Variants in PTPN13 observed in about 807,000 individuals in gnomAD.
PTPN13 encodes tyrosine-protein phosphatase non-receptor type 13.
In PTPN13, 191 loss-of-function variants were observed where a neutral mutation model predicts 284.0. The observed-to-expected ratio is 0.67, with a 90% CI of 0.60 to 0.76. The LOEUF is 0.76. Ranked by LOEUF, PTPN13 falls within the 30% of genes least tolerant of loss-of-function variation. The pLI is 0.00. For synonymous variants in PTPN13, 986 were observed against 1,022.3 expected (o/e 0.96, Z 0.68); for missense variants, 2,797 against 2,939.9 (o/e 0.95, Z 1.12).
chr4:86,691,433 A>G (rs1437653606), intron 5 of PTPN13, among the ~76,000 whole-genome samples: 1 of 152,110 alleles, frequency 6.6e-6, no homozygotes, highest in Non-Finnish European at 1.5e-5. Flanking sequence ...CAGCATGTAG[A>G]GAGCCTCTCT....
At chr4:86,658,185 G>A (rs1230342439) in intron 2 of PTPN13, among the ~76,000 whole-genome samples, 2 of 152,148 alleles carry the variant, frequency 1.3e-5, no homozygotes, top group Non-Finnish European at 2.9e-5. Context: ...CCCTCCATAG[G>A]CATTGACGGA....
At position 86,762,865 on chromosome 4, in the gene PTPN13, A is replaced by C; in HGVS notation, c.3692A>C (p.Asn1231Thr). The change falls in exon 24 of 48, where the codon AAC becomes ACC. Residue 1231 changes from asparagine (N) to threonine (T), a missense_variant. Transcript: ENST00000411767. ...SRGTLRHISE[N>T]SFGPSGGLRE... is the part of the protein sequence containing the mutation. ...GGTACCCTGAGGCACATCTCGGAGAACTCCTTTGGGCCATCTGGGGGCCTG... is the reference window on the plus strand; with the variant it reads ...GGTACCCTGAGGCACATCTCGGAGACCTCCTTTGGGCCATCTGGGGGCCTG... 1 of 1,613,830 alleles carries C rather than the reference A, an allele frequency of 6.2e-7. No homozygotes were observed. Among genetic ancestry groups the C allele is most frequent in the Non-Finnish European group, 8.5e-7 (1 of 1,179,816 alleles).
chr4:86,595,632 C>T (rs775983232), intron 1 of PTPN13: 99 of 424,508 alleles, frequency 2.3e-4, no homozygotes, highest in Non-Finnish European at 3.0e-4. Flanking sequence ...GTGTCATTTT[C>T]ATTTAATTGC....
In PTPN13 at chr4:86,722,358, C is replaced by T. The variant is rs547276008; in HGVS notation, c.1532C>T (p.Ala511Val). 21 of 1,613,728 alleles carry T rather than the reference C, an allele frequency of 1.3e-5. No homozygotes were observed. The highest frequency in any genetic ancestry group is 3.3e-5 in the Admixed American group (2 of 60,000). The change falls in exon 10 of 48, where the codon GCG (alanine) becomes GTG (valine). Residue 511 changes from alanine (A) to valine (V), a missense_variant. By Grantham distance (64) the Ala-to-Val change is moderately conservative. Coordinates refer to ENST00000411767, the MANE Select transcript of PTPN13 (RefSeq NM_080683.3). ...LSLYPGDTIK[A>V]SMLDITRDPL... is the part of the protein sequence containing the mutation. The stretch of plus-strand genomic sequence containing the variant: ...CTATATCCAGGAGACACAATCAAAG[C>T]GTCCATGCTTGACATCACCAGGGAT...
intron 2 of PTPN13, among the ~76,000 whole-genome samples, chr4:86,655,947 ACT>A (rs1266797234): frequency 1.3e-5 from 2 of 151,074 alleles, no homozygotes; most frequent in African/African-American, 4.9e-5. Context: ...GTTTCTTTTT[ACT>A]CTTTTTTCTC....
chr4:86,768,657 A>G (rs2149266158), intron 28 of PTPN13, among the ~76,000 whole-genome samples: 1 of 152,224 alleles, frequency 6.6e-6, no homozygotes, highest in South Asian at 2.1e-4. Flanking sequence ...TATGAAAATA[A>G]AATTAATGTA....
chr4:86,681,788 C>T (rs1728921367), intron 3 of PTPN13, among the ~76,000 whole-genome samples: 1 of 151,978 alleles, frequency 6.6e-6, no homozygotes, highest in African/African-American at 2.4e-5. Flanking sequence ...ATTAGCTGGG[C>T]ATGGTGGCAG....
intron 1 of PTPN13, among the ~76,000 whole-genome samples, chr4:86,605,384 G>C (rs1764657609): frequency 1.3e-5 from 2 of 151,904 alleles, no homozygotes; most frequent in Non-Finnish European, 2.9e-5. Flanking sequence ...AGGATTCATA[G>C]GGTCAGAACA....
intron 2 of PTPN13, among the ~76,000 whole-genome samples, chr4:86,665,187 G>A (rs1726930051): frequency 6.6e-6 from 1 of 152,136 alleles, no homozygotes; most frequent in South Asian, 2.1e-4. Context: ...AGTGGTTGTG[G>A]TTTGAGCAAG....
At chr4:86,598,127 T>G (rs1763985882) in intron 1 of PTPN13, among the ~76,000 whole-genome samples, 2 of 151,718 alleles carry the variant, frequency 1.3e-5, no homozygotes, top group African/African-American at 4.8e-5. Flanking sequence ...TATATACTTC[T>G]CAAGGCTTTT....
intron 9 of PTPN13, among the ~76,000 whole-genome samples, 196 bp downstream of exon 9, chr4:86,717,313 C>A (rs987026725): frequency 6.6e-6 from 1 of 151,696 alleles, no homozygotes; most frequent in Non-Finnish European, 1.5e-5. Context: ...CTCAGTCTCC[C>A]GAGTAGCTGG....
intron 2 of PTPN13, among the ~76,000 whole-genome samples, chr4:86,642,446 CTTCTTTTTTTTT>C (rs1340654246): frequency 1.1e-4 from 7 of 63,568 alleles, no homozygotes; most frequent in Non-Finnish European, 1.4e-4. Context: ...TCTTCTTCTT[CTTCTTTTTTTTT>C]TTTTTTTTTT....
At chr4:86,793,057 A>T (rs1742869012) in intron 40 of PTPN13, among the ~76,000 whole-genome samples, 1 of 152,226 alleles carries the variant, frequency 6.6e-6, no homozygotes, top group Non-Finnish European at 1.5e-5. Flanking sequence ...TAAAAGACAC[A>T]GACTGGCAAT....
At chr4:86,597,985 G>A (rs1042943049) in intron 1 of PTPN13, among the ~76,000 whole-genome samples, 1 of 152,134 alleles carries the variant, frequency 6.6e-6, no homozygotes, top group East Asian at 1.9e-4. Flanking sequence ...CACTGGAAAA[G>A]TATGAAAATT....
At chr4:86,709,352 A>G (rs1354711965) in intron 7 of PTPN13, among the ~76,000 whole-genome samples, 1 of 152,130 alleles carries the variant, frequency 6.6e-6, no homozygotes, top group African/African-American at 2.4e-5. Flanking sequence ...ACAGACCTCA[A>G]AAATTTGGCC....
intron 3 of PTPN13, among the ~76,000 whole-genome samples, chr4:86,676,976 T>C (rs1404484301): frequency 3.3e-5 from 5 of 152,128 alleles, no homozygotes; most frequent in Non-Finnish European, 7.4e-5. Context: ...TACTGAAATA[T>C]ATACTTAATG....
At chr4:86,809,276 G>A (rs1415108250) in intron 45 of PTPN13, among the ~76,000 whole-genome samples, 1 of 152,204 alleles carries the variant, frequency 6.6e-6, no homozygotes, top group Non-Finnish European at 1.5e-5. Context: ...TATTTAAAAT[G>A]TGGATCTAGC....
intron 40 of PTPN13, among the ~76,000 whole-genome samples, chr4:86,793,904 A>G (rs1742990505): frequency 7.3e-6 from 1 of 136,202 alleles, no homozygotes; most frequent in Admixed American, 7.5e-5. Flanking sequence ...AGAAAGAAGG[A>G]AAGATCTTGA....
At chr4:86,597,844 T>A (rs1157882852) in intron 1 of PTPN13, among the ~76,000 whole-genome samples, 1 of 152,246 alleles carries the variant, frequency 6.6e-6, no homozygotes, top group East Asian at 1.9e-4. Context: ...TCCCAGAGTT[T>A]GCTATCAAAT....
Sources: gnomAD v4.1 joint callset for allele counts (sites outside exome capture counted in the v4.1 genomes callset) on GRCh38, gnomAD v4.1.1 for gene constraint, MANE v1.5 for transcripts, NCBI Gene and HGNC (gene_info 2026-07-23, HGNC 2026-07-21) for gene names.